RAB31: variants seen among roughly 807,000 people sequenced by gnomAD.
The protein encoded by RAB31 is ras-related protein Rab-31.
In RAB31, 21 loss-of-function variants were observed where a neutral mutation model predicts 25.6. The observed-to-expected ratio is 0.82, with a 90% CI of 0.58 to 1.18. The LOEUF (loss-of-function observed/expected upper bound fraction) is 1.18, where lower values mean the gene tolerates loss of function less well. Among genes scored for constraint, RAB31 ranks in the 50% most tolerant of loss-of-function variants. The pLI is 0.00. For synonymous variants in RAB31, 87 were observed against 84.0 expected (o/e 1.04, Z -0.20); for missense variants, 196 against 250.1 (o/e 0.78, Z 1.46).
intron 5 of RAB31, among the ~76,000 whole-genome samples, chr18:9,827,259 A>C (rs1194641835): frequency 6.6e-6 from 1 of 152,032 alleles, no homozygotes; most frequent in Non-Finnish European, 1.5e-5. Flanking sequence ...ATTTAGGGCC[A>C]CGAATGAATC....
rs148752845 is a variant in RAB31 at position 9,715,670 on chromosome 18, C to G, written c.39+7226C>G. On this transcript the variant is annotated intron_variant, in intron 1 of 6. Coordinates refer to ENST00000578921, the MANE Select transcript of RAB31 (RefSeq NM_006868.4). ...TCAGTCTCCTGAGTAGCTGAAATCACAAGTGTGCAACACCATGCCCAGCTA... is the reference window on the plus strand; with the variant it reads ...TCAGTCTCCTGAGTAGCTGAAATCAGAAGTGTGCAACACCATGCCCAGCTA... Among the ~76,000 whole-genome samples the G allele has an allele frequency of 1.2e-3, 186 of 152,076 alleles. 1 individual carries two copies. The highest frequency in any genetic ancestry group is 4.4e-3 in the African/African-American group (184 of 41,490).
chr18:9,799,024 C>T (rs1272684503), intron 3 of RAB31, among the ~76,000 whole-genome samples: 1 of 152,120 alleles, frequency 6.6e-6, no homozygotes, highest in Non-Finnish European at 1.5e-5. Context: ...GCGAATGTTG[C>T]AGTGAGCTGA....
intron 2 of RAB31, among the ~76,000 whole-genome samples, chr18:9,786,323 C>T (rs533340282): frequency 1.8e-4 from 28 of 152,350 alleles, no homozygotes; most frequent in Non-Finnish European, 3.7e-4. Context: ...TTACCTTGCC[C>T]TAAGCGTCTC....
chr18:9,827,749 A>G (rs2068657124), intron 5 of RAB31, among the ~76,000 whole-genome samples: 1 of 152,202 alleles, frequency 6.6e-6, no homozygotes, highest in South Asian at 2.1e-4. Flanking sequence ...TAGTCCTATC[A>G]GCTCTCAGTC....
intron 1 of RAB31, among the ~76,000 whole-genome samples, chr18:9,763,682 G>A (rs2068300360): frequency 6.6e-6 from 1 of 151,320 alleles, no homozygotes; most frequent in Non-Finnish European, 1.5e-5. Context: ...GAGACTTAAT[G>A]GAGCAGAAAC....
At chr18:9,756,728 A>G (rs1456453705) in intron 1 of RAB31, among the ~76,000 whole-genome samples, 2 of 152,204 alleles carry the variant, frequency 1.3e-5, no homozygotes, top group African/African-American at 4.8e-5. Flanking sequence ...ATCTATGATA[A>G]TGCTTGGCAC....
chr18:9,792,422 C>T (rs1293770848), intron 3 of RAB31, among the ~76,000 whole-genome samples, 187 bp downstream of exon 3: 2 of 152,102 alleles, frequency 1.3e-5, no homozygotes, highest in African/African-American at 2.4e-5. Flanking sequence ...TAGGGTGAGG[C>T]GGGGCTGAGT....
chr18:9,778,420 T>C (rs1005712419), intron 2 of RAB31, among the ~76,000 whole-genome samples: 1 of 152,186 alleles, frequency 6.6e-6, no homozygotes, highest in Non-Finnish European at 1.5e-5. Flanking sequence ...AACTCGGGGA[T>C]TAAGGGTGCT....
chr18:9,837,020 A>C (rs2068709071), intron 5 of RAB31, among the ~76,000 whole-genome samples: 1 of 150,842 alleles, frequency 6.6e-6, no homozygotes, highest in Non-Finnish European at 1.5e-5. Flanking sequence ...GTGTGTGTGG[A>C]ATGGGGTGAA....
intron 1 of RAB31, among the ~76,000 whole-genome samples, chr18:9,768,047 A>G (rs2068325267): frequency 6.6e-6 from 1 of 152,014 alleles, no homozygotes; most frequent in African/African-American, 2.4e-5. Context: ...AAGGACATGA[A>G]CTCATCCTTT....
intron 1 of RAB31, among the ~76,000 whole-genome samples, chr18:9,724,087 C>T (rs193246177): frequency 0.014 from 2,168 of 151,392 alleles, 24 homozygotes; most frequent in Non-Finnish European, 0.023. Flanking sequence ...CCGGCTAAAA[C>T]GGTGAAACCC....
intron 1 of RAB31, among the ~76,000 whole-genome samples, chr18:9,720,413 C>T (rs1448372515): frequency 1.3e-5 from 2 of 152,180 alleles, no homozygotes; most frequent in Non-Finnish European, 2.9e-5. Context: ...GGGATATCGC[C>T]AGATGCTTAG....
At chr18:9,856,199 G>T (rs1568197631) in intron 6 of RAB31, 6 of 152,238 alleles carry the variant, frequency 3.9e-5, no homozygotes. Flanking sequence ...TGATTCAAGA[G>T]TGCTGCTAAG....
chr18:9,768,067 T>A (rs1266971399), intron 1 of RAB31, among the ~76,000 whole-genome samples: 1 of 152,218 alleles, frequency 6.6e-6, no homozygotes, highest in Non-Finnish European at 1.5e-5. Flanking sequence ...TTTTATGGCT[T>A]CATAGTATTC....
At chr18:9,737,616 C>T (rs533657518) in intron 1 of RAB31, among the ~76,000 whole-genome samples, 2 of 152,174 alleles carry the variant, frequency 1.3e-5, no homozygotes, top group East Asian at 1.9e-4. Flanking sequence ...AGAAATGAGT[C>T]GCCACAGTGA....
At chr18:9,814,225 G>A (rs1383870267) in intron 4 of RAB31, 134 bp downstream of exon 4, 2 of 597,324 alleles carry the variant, frequency 3.3e-6, no homozygotes, top group African/African-American at 1.8e-5. Context: ...TCATGTATAT[G>A]TAACAAAGCA....
At chr18:9,804,436 C>T (rs1190516773) in intron 3 of RAB31, among the ~76,000 whole-genome samples, 4 of 152,148 alleles carry the variant, frequency 2.6e-5, no homozygotes, top group South Asian at 4.1e-4. Flanking sequence ...TCTCAGAGGA[C>T]GTGGGGCCAA....
chr18:9,817,264 T>C (rs1419276497), intron 5 of RAB31, among the ~76,000 whole-genome samples: 4 of 152,170 alleles, frequency 2.6e-5, no homozygotes, highest in African/African-American at 7.2e-5. Flanking sequence ...CCGAGTCTTA[T>C]GTATTGTGGG....
chr18:9,798,337 T>A (rs1299084775), intron 3 of RAB31, among the ~76,000 whole-genome samples: 1 of 146,714 alleles, frequency 6.8e-6, no homozygotes, highest in Non-Finnish European at 1.5e-5. Context: ...TCTCCAGTAA[T>A]GGCAATTTTT....
Sources: allele counts gnomAD v4.1 joint callset (sites outside exome capture counted in the v4.1 genomes callset), GRCh38; gene constraint gnomAD v4.1.1; transcripts MANE v1.5; gene names NCBI Gene and HGNC (gene_info 2026-07-23, HGNC 2026-07-21).